MED12L: variants seen among roughly 807,000 people sequenced by gnomAD.
The protein encoded by MED12L is mediator of RNA polymerase II transcription subunit 12-like protein.
In MED12L, 60 loss-of-function variants were observed where a neutral mutation model predicts 281.3. The observed-to-expected ratio is 0.21, with a 90% CI of 0.17 to 0.26. The LOEUF is 0.26. Ranked by LOEUF, MED12L falls within the 10% of genes least tolerant of loss-of-function variation. The pLI is 1.00. For synonymous variants in MED12L, 974 were observed against 987.2 expected, an observed-to-expected ratio of 0.99 and a Z score of 0.25; for missense variants, 2,146 against 2,680.9, an observed-to-expected ratio of 0.80 and a Z score of 4.41.
At chr3:151,213,237 T>C in intron 16 of MED12L, 1 of 1,250,844 alleles carries the variant, frequency 8.0e-7, no homozygotes, top group Non-Finnish European at 1.1e-6. Flanking sequence ...CTTATTGATT[T>C]CTGTTATGTA....
chr3:151,362,990 T>G (rs1283905374), intron 21 of MED12L, among the ~76,000 whole-genome samples: 2 of 152,168 alleles, frequency 1.3e-5, no homozygotes, highest in Admixed American at 1.3e-4. Context: ...GCCGTTTTTT[T>G]AATAGTGAAC....
chr3:151,152,482 A>G (rs1404195380), intron 5 of MED12L, among the ~76,000 whole-genome samples: 2 of 152,104 alleles, frequency 1.3e-5, no homozygotes, highest in African/African-American at 4.8e-5. Flanking sequence ...TATATTAATC[A>G]TGGGGTGTTA....
chr3:151,354,368 C>T (rs1753663345), intron 17 of MED12L, among the ~76,000 whole-genome samples: 1 of 151,772 alleles, frequency 6.6e-6, no homozygotes, highest in Non-Finnish European at 1.5e-5. Flanking sequence ...TTCTTCAAAC[C>T]TCTTTATGCT....
At chr3:151,379,464 G>T (rs1711843325) in intron 31 of MED12L, among the ~76,000 whole-genome samples, 2 of 152,206 alleles carry the variant, frequency 1.3e-5, no homozygotes, top group Non-Finnish European at 2.9e-5. Flanking sequence ...ATTTAAAACA[G>T]AATTTTTAAC....
chr3:151,318,283 T>C (rs1748548775), intron 16 of MED12L, among the ~76,000 whole-genome samples: 2 of 152,136 alleles, frequency 1.3e-5, no homozygotes. Context: ...CAATCCTTCA[T>C]TTAGTTTTGA....
intron 16 of MED12L, among the ~76,000 whole-genome samples, chr3:151,254,814 G>T (rs1335976552): frequency 6.6e-6 from 1 of 152,104 alleles, no homozygotes; most frequent in Non-Finnish European, 1.5e-5. Flanking sequence ...CCAGTTTTAG[G>T]CCTTTTGCTT....
intron 16 of MED12L, among the ~76,000 whole-genome samples, chr3:151,216,017 C>A (rs901824842): frequency 5.3e-5 from 8 of 152,264 alleles, no homozygotes; most frequent in African/African-American, 1.7e-4. Context: ...ACTTTCCTAG[C>A]CTGGTTTGGG....
At chr3:151,344,250 G>A (rs1752258937) in intron 16 of MED12L, among the ~76,000 whole-genome samples, 1 of 151,454 alleles carries the variant, frequency 6.6e-6, no homozygotes, top group Non-Finnish European at 1.5e-5. Context: ...AGTTAAATCC[G>A]CCTCCTATTT....
chr3:151,288,608 G>A (rs766221656), intron 16 of MED12L, among the ~76,000 whole-genome samples: 2 of 152,152 alleles, frequency 1.3e-5, no homozygotes, highest in East Asian at 3.8e-4. Flanking sequence ...TTCTGCCTAA[G>A]CATTTACATG....
At chr3:151,278,968 A>G (rs1041344515) in intron 16 of MED12L, among the ~76,000 whole-genome samples, 1 of 152,226 alleles carries the variant, frequency 6.6e-6, no homozygotes, top group African/African-American at 2.4e-5. Context: ...CTCGTGTGTT[A>G]ACATTTTGGT....
chr3:151,134,564 C>A (rs537313175), intron 5 of MED12L, among the ~76,000 whole-genome samples: 1 of 152,230 alleles, frequency 6.6e-6, no homozygotes, highest in East Asian at 1.9e-4. Flanking sequence ...TCCAAACAAT[C>A]AAATATTAGA....
intron 16 of MED12L, among the ~76,000 whole-genome samples, chr3:151,306,119 A>G (rs1746604080): frequency 1.3e-5 from 2 of 152,300 alleles, no homozygotes; most frequent in African/African-American, 2.4e-5. Flanking sequence ...TTATGTGGCT[A>G]TACTTAACCT....
chr3:151,236,930 A>C (rs185311389), intron 16 of MED12L, among the ~76,000 whole-genome samples: 3 of 151,988 alleles, frequency 2.0e-5, no homozygotes, highest in African/African-American at 7.3e-5. Context: ...GCCGAGATGC[A>C]TATCTTTGTT....
At chr3:151,152,675 A>G (rs1220349541) in intron 5 of MED12L, among the ~76,000 whole-genome samples, 7 of 152,140 alleles carry the variant, frequency 4.6e-5, no homozygotes, top group African/African-American at 1.7e-4. Flanking sequence ...ACTCTGAGGC[A>G]TATGTATATT....
At chr3:151,154,628 A>G (rs1182087727) in intron 5 of MED12L, among the ~76,000 whole-genome samples, 1 of 152,352 alleles carries the variant, frequency 6.6e-6, no homozygotes, top group East Asian at 1.9e-4. Flanking sequence ...GAATAGTACC[A>G]TACTGACAGT....
chr3:151,379,361 AT>A (rs1711818796), intron 31 of MED12L, among the ~76,000 whole-genome samples: 3 of 152,348 alleles, frequency 2.0e-5, no homozygotes, highest in South Asian at 4.1e-4. Flanking sequence ...CCTAGGTCTC[AT>A]TTTAAGAAAT....
chr3:151,317,640 C>CG (rs1748460775), intron 16 of MED12L, among the ~76,000 whole-genome samples: 1 of 151,090 alleles, frequency 6.6e-6, no homozygotes, highest in Non-Finnish European at 1.5e-5. Context: ...TTAGTAGAGA[C>CG]GGGGTTTCTC....
At chr3:151,225,090 C>G (rs1487582897) in intron 16 of MED12L, among the ~76,000 whole-genome samples, 1 of 152,198 alleles carries the variant, frequency 6.6e-6, no homozygotes, top group Non-Finnish European at 1.5e-5. Context: ...GAACTTCTTT[C>G]ACCCTGCCTA....
At position 151,172,734 on chromosome 3, in the gene MED12L, A is replaced by G. The variant is rs550394082; in HGVS notation, c.1494+6752A>G. The stretch of plus-strand genomic sequence containing the variant: ...CAGAAAGTCAAATAAGGCAAAAGTC[A>G]AGCAAGCAAGGAAAATGTGCATGGA... On this transcript the variant is annotated intron_variant, in intron 11 of 44. Coordinates refer to ENST00000687756, the MANE Select transcript of MED12L (RefSeq NM_001393769.1). Among the ~76,000 whole-genome samples, 3 of 152,360 alleles carry G rather than the reference A, an allele frequency of 2.0e-5. No homozygotes were observed. In the South Asian group the frequency reaches 6.2e-4, roughly 32 times the overall value.
Sources: allele counts gnomAD v4.1 joint callset (sites outside exome capture counted in the v4.1 genomes callset), GRCh38; gene constraint gnomAD v4.1.1; transcripts MANE v1.5; gene names NCBI Gene and HGNC (gene_info 2026-07-23, HGNC 2026-07-21).